Variants in FHIT observed in about 807,000 individuals in gnomAD.
The protein encoded by FHIT is bis(5'-adenosyl)-triphosphatase.
FHIT carries 19 observed loss-of-function variants against 17.9 expected under a neutral mutation model. The observed-to-expected ratio is 1.06, with a 90% CI of 0.74 to 1.56. The LOEUF (loss-of-function observed/expected upper bound fraction) is 1.56. FHIT is among the 40% of genes most tolerant of loss of function. FHIT has a pLI of 0.00. For synonymous variants in FHIT, 81 were observed against 69.7 expected, an observed-to-expected ratio of 1.16 and a Z score of -0.81; for missense variants, 248 against 189.2, an observed-to-expected ratio of 1.31 and a Z score of -1.82.
intron 4 of FHIT, among the ~76,000 whole-genome samples, chr3:60,648,291 T>C (rs1280567208): frequency 4.6e-5 from 7 of 152,222 alleles, no homozygotes; most frequent in Admixed American, 4.6e-4. Context: ...TATAAATCAA[T>C]TGGCTTGGAT....
At chr3:60,636,224 C>A (rs1459859794) in intron 4 of FHIT, among the ~76,000 whole-genome samples, 1 of 152,110 alleles carries the variant, frequency 6.6e-6, no homozygotes, top group Non-Finnish European at 1.5e-5. Flanking sequence ...GCATGCACCA[C>A]CACGCCTAGC....
chr3:60,139,014 A>T (rs1469756845), intron 5 of FHIT, among the ~76,000 whole-genome samples: 1 of 152,142 alleles, frequency 6.6e-6, no homozygotes, highest in Non-Finnish European at 1.5e-5. Context: ...AGTGCCCAAA[A>T]GCCCGATGTC....
intron 3 of FHIT, among the ~76,000 whole-genome samples, chr3:61,032,544 A>T (rs923971054): frequency 6.6e-6 from 1 of 152,204 alleles, no homozygotes; most frequent in Non-Finnish European, 1.5e-5. Flanking sequence ...TTTCTGGCAC[A>T]GCAAAACCAG....
chr3:60,325,270 T>C (rs1156990972), intron 5 of FHIT, among the ~76,000 whole-genome samples: 1 of 152,184 alleles, frequency 6.6e-6, no homozygotes, highest in Non-Finnish European at 1.5e-5. Flanking sequence ...TGCCAAAAGA[T>C]TCCAAATTAA....
At chr3:60,524,197 GACACACACACACACACACACACAC>G (rs56975783) in intron 5 of FHIT, among the ~76,000 whole-genome samples, 1,819 of 144,990 alleles carry the variant, frequency 0.013, 28 homozygotes, top group Admixed American at 0.035. Context: ...GTCAGCCTGA[GACACACACACACACACACACACAC>G]ACACACACAC....
At chr3:59,950,836 C>T (rs779058834) in intron 7 of FHIT, among the ~76,000 whole-genome samples, 1 of 152,172 alleles carries the variant, frequency 6.6e-6, no homozygotes, top group Non-Finnish European at 1.5e-5. Context: ...ATGCTGAGTA[C>T]TCAAGAGCTC....
intron 8 of FHIT, among the ~76,000 whole-genome samples, chr3:59,910,972 T>C (rs1704843218): frequency 1.3e-5 from 2 of 152,062 alleles, no homozygotes; most frequent in South Asian, 2.1e-4. Context: ...CCACAGAAAA[T>C]AATAAAAACA....
At chr3:60,255,816 C>T (rs1705961066) in intron 5 of FHIT, among the ~76,000 whole-genome samples, 2 of 151,950 alleles carry the variant, frequency 1.3e-5, no homozygotes, top group Admixed American at 1.3e-4. Flanking sequence ...GATTGTGCCA[C>T]TGCACTCCAG....
At chr3:59,962,332 T>G (rs1464460239) in intron 7 of FHIT, among the ~76,000 whole-genome samples, 1 of 152,082 alleles carries the variant, frequency 6.6e-6, no homozygotes, top group Non-Finnish European at 1.5e-5. Flanking sequence ...TTTTTTCTTC[T>G]TAAGAGCTAC....
Position 61,201,536 on chromosome 3 carries a change from C to CT in FHIT, c.-212-872dup, listed in dbSNP as rs1467420590. On this transcript the variant is annotated intron_variant, in intron 1 of 9. Coordinates refer to ENST00000492590, the MANE Select transcript of FHIT (RefSeq NM_002012.4). Reference sequence around the variant, plus strand: ...GCTACACCACAGCTTTTCCATGGTTCTTTTTTTTTCCTTCAATATCTGAAG... The same window carrying CT: ...GCTACACCACAGCTTTTCCATGGTTCTTTTTTTTTTCCTTCAATATCTGAAG... Among the ~76,000 whole-genome samples, 36 of 151,502 alleles carry CT rather than the reference C, an allele frequency of 2.4e-4. No individual in the cohort carries two copies. The East Asian group carries it at 6.8e-3, about 29-fold the overall frequency.
intron 8 of FHIT, among the ~76,000 whole-genome samples, chr3:59,801,939 C>G (rs1224088113): frequency 1.3e-5 from 2 of 152,218 alleles, no homozygotes; most frequent in African/African-American, 4.8e-5. Context: ...AATGTTCACA[C>G]TCTCTCATTT....
At chr3:60,908,407 A>G (rs782085271) in intron 3 of FHIT, among the ~76,000 whole-genome samples, 1 of 152,208 alleles carries the variant, frequency 6.6e-6, no homozygotes, top group African/African-American at 2.4e-5. Flanking sequence ...TTTCCTCAGT[A>G]GGTAGCCCCA....
At chr3:61,211,288 G>T (rs917697343) in intron 1 of FHIT, among the ~76,000 whole-genome samples, 2 of 144,972 alleles carry the variant, frequency 1.4e-5, no homozygotes, top group Non-Finnish European at 3.0e-5. Flanking sequence ...GGAAAATAGG[G>T]TCACTCCCAC....
chr3:60,829,697 T>G (rs888165993), intron 3 of FHIT, among the ~76,000 whole-genome samples: 12 of 152,122 alleles, frequency 7.9e-5, no homozygotes, highest in Non-Finnish European at 2.9e-5. Flanking sequence ...GATTGTCAGA[T>G]GGATGAAGAA....
At chr3:60,350,119 T>C (rs968866684) in intron 5 of FHIT, among the ~76,000 whole-genome samples, 9 of 152,180 alleles carry the variant, frequency 5.9e-5, no homozygotes, top group Non-Finnish European at 1.2e-4. Context: ...CACACTCCCA[T>C]ACCTACATCA....
At chr3:59,900,213 T>C (rs1002072799) in intron 8 of FHIT, among the ~76,000 whole-genome samples, 9 of 152,062 alleles carry the variant, frequency 5.9e-5, no homozygotes, top group Non-Finnish European at 1.5e-5. Context: ...AGCAACAGAC[T>C]TTCTTGGTGG....
intron 3 of FHIT, among the ~76,000 whole-genome samples, chr3:60,916,593 T>G (rs1707016863): frequency 2.0e-5 from 3 of 152,212 alleles, no homozygotes; most frequent in Admixed American, 2.0e-4. Context: ...TTCTAACTGG[T>G]CAGAGAGACC....
At chr3:61,148,421 T>G (rs1462087417) in intron 2 of FHIT, among the ~76,000 whole-genome samples, 1 of 152,194 alleles carries the variant, frequency 6.6e-6, no homozygotes, top group African/African-American at 2.4e-5. Flanking sequence ...ATTCCTTTTG[T>G]CAGCTATTGA....
chr3:59,945,755 G>A (rs1033738818), intron 7 of FHIT, among the ~76,000 whole-genome samples: 1 of 152,026 alleles, frequency 6.6e-6, no homozygotes, highest in African/African-American at 2.4e-5. Context: ...TCTGCATATG[G>A]CTAGTCAGTT....
Sources: allele counts gnomAD v4.1 joint callset (sites outside exome capture counted in the v4.1 genomes callset), GRCh38; gene constraint gnomAD v4.1.1; transcripts MANE v1.5; gene names NCBI Gene and HGNC (gene_info 2026-07-23, HGNC 2026-07-21).